The following CNTNAP5 variants were observed in gnomAD, a reference collection of about 807,000 sequenced individuals.
CNTNAP5 encodes contactin associated protein family member 5, also known as contactin-associated protein-like 5.
Under a neutral mutation model 150.2 loss-of-function variants are expected in CNTNAP5, and 72 were observed. That is an observed-to-expected ratio of 0.48 (90% CI 0.40 to 0.58). CNTNAP5 has a LOEUF of 0.58. CNTNAP5 is among the 20% of genes least tolerant of loss of function. The probability of loss-of-function intolerance (pLI) is 0.00; values close to 1 mark genes in which losing one functional copy is unlikely to be tolerated. For synonymous variants in CNTNAP5, 672 were observed against 619.8 expected, an observed-to-expected ratio of 1.08 and a Z score of -1.25; for missense variants, 1,636 against 1,626.2, an observed-to-expected ratio of 1.01 and a Z score of -0.10.
chr2:124,090,680 TA>T lies in CNTNAP5; in HGVS notation c.82+64955del, dbSNP rs1368497859. On this transcript the variant is annotated intron_variant, in intron 1 of 23. Transcript: ENST00000682447. Reference sequence around the variant, plus strand: ...ATTACATAATCACAAATGATAGCTTTAAAAAAAGAAGAAGGAAGTAGGTATT... The same window carrying T: ...ATTACATAATCACAAATGATAGCTTTAAAAAAGAAGAAGGAAGTAGGTATT... Among the ~76,000 whole-genome samples, 3 of 152,150 alleles carry T rather than the reference TA, an allele frequency of 2.0e-5. No individual in the cohort carries two copies. The East Asian group carries it at 5.8e-4, about 29-fold the overall frequency.
Position 124,903,071 on chromosome 2 carries a change from A to T in CNTNAP5, c.3626A>T (p.Asn1209Ile). The T allele has an allele frequency of 3.1e-6, 5 of 1,594,370 alleles. No individual in the cohort carries two copies. The highest frequency in any genetic ancestry group is 3.4e-6 in the Non-Finnish European group (4 of 1,169,304). ...GGCTTCATGGTGGACTCAGATGTGA[A>T]TGCAGTGACCACGGTGCATTCTTCA... ...SCGFMVDSDV[N>I]AVTTVHSSSD... The change falls in exon 22 of 24, where the codon AAT (asparagine) becomes ATT (isoleucine). Residue 1209 changes from asparagine (N) to isoleucine (I), a missense_variant. Asn to Ile is a moderately radical substitution (Grantham distance 149). Coordinates refer to ENST00000682447, the MANE Select transcript of CNTNAP5 (RefSeq NM_001367498.1).
At chr2:124,660,443 C>T (rs955590851) in intron 13 of CNTNAP5, among the ~76,000 whole-genome samples, 1 of 152,094 alleles carries the variant, frequency 6.6e-6, no homozygotes, top group Non-Finnish European at 1.5e-5. Flanking sequence ...GAAAATATAG[C>T]ACAAGCCACA....
chr2:124,191,067 C>G (rs935379243), intron 1 of CNTNAP5, among the ~76,000 whole-genome samples: 1 of 152,188 alleles, frequency 6.6e-6, no homozygotes, highest in South Asian at 2.1e-4. Flanking sequence ...TAAATATATA[C>G]CTATGTTTTC....
intron 9 of CNTNAP5, among the ~76,000 whole-genome samples, 199 bp downstream of exon 9, chr2:124,524,651 A>G (rs755793269): frequency 9.8e-5 from 15 of 152,296 alleles, no homozygotes; most frequent in Non-Finnish European, 1.8e-4. Flanking sequence ...GTGCAAATAT[A>G]AATTATCTAG....
chr2:124,071,584 T>C (rs1682305694), intron 1 of CNTNAP5, among the ~76,000 whole-genome samples: 1 of 151,868 alleles, frequency 6.6e-6, no homozygotes, highest in African/African-American at 2.4e-5. Flanking sequence ...TGAGTGACTA[T>C]ACATCAATAA....
Position 124,474,760 on chromosome 2 carries a change from G to A in CNTNAP5, c.940G>A (p.Val314Ile). Residue 314 changes from valine (V) to isoleucine (I), a missense_variant, in exon 7 of 24, where the codon GTA (valine) becomes ATA (isoleucine). Val to Ile is a conservative substitution (Grantham distance 29). Coordinates refer to ENST00000682447, the MANE Select transcript of CNTNAP5 (RefSeq NM_001367498.1). ...DYELSFGGIP[V>I]PGKPGTFLKK... is the part of the protein sequence containing the mutation. ...AAAGCTTAGTTTTGGAGGAATTCCA[G>A]TACCAGGAAAACCTGGGACCTTTTT... The A allele has an allele frequency of 6.3e-7, 1 of 1,586,068 alleles. No individual in the cohort carries two copies. Among genetic ancestry groups the A allele is most frequent in the Non-Finnish European group, 8.6e-7 (1 of 1,168,782 alleles).
intron 1 of CNTNAP5, among the ~76,000 whole-genome samples, chr2:124,104,954 G>C (rs1241548278): frequency 6.6e-6 from 1 of 151,852 alleles, no homozygotes; most frequent in Non-Finnish European, 1.5e-5. Context: ...AAAGTTTCCT[G>C]ACATCTTGTC....
intron 1 of CNTNAP5, among the ~76,000 whole-genome samples, chr2:124,146,007 T>TA (rs1284341836): frequency 1.3e-5 from 2 of 152,018 alleles, no homozygotes; most frequent in Non-Finnish European, 2.9e-5. Context: ...ATTTTTATTT[T>TA]AAAAAGCATT....
chr2:124,808,789 G>T (rs1682138260), intron 19 of CNTNAP5, among the ~76,000 whole-genome samples: 1 of 152,050 alleles, frequency 6.6e-6, no homozygotes, highest in South Asian at 2.1e-4. Context: ...AGGCTAATAT[G>T]CAAGTTCTTT....
Position 124,771,086 on chromosome 2 carries a change from C to A in CNTNAP5, c.2534-1713C>A, listed in dbSNP as rs533012632. ...CAGATACTCAAAATTCTGTGTAATG[C>A]GGACTTTGATGGAGGCTGCTTTCAG... On this transcript the variant is annotated intron_variant, in intron 16 of 23. Transcript: ENST00000682447. 2.4e-4 allele frequency among the ~76,000 whole-genome samples: 36 copies of A among 152,246 alleles called. 1 individual carries two copies. Among genetic ancestry groups the A allele is most frequent in the African/African-American group, 7.5e-4 (31 of 41,552 alleles).
At chr2:124,477,083 T>C (rs72966690) in intron 7 of CNTNAP5, among the ~76,000 whole-genome samples, 15,498 of 152,094 alleles carry the variant, frequency 0.1, 1,247 homozygotes, top group African/African-American at 0.2. Flanking sequence ...ATAATTCCTA[T>C]AGTCTTTTAG....
At chr2:124,248,272 C>T (rs1204745331) in intron 3 of CNTNAP5, among the ~76,000 whole-genome samples, 1 of 152,156 alleles carries the variant, frequency 6.6e-6, no homozygotes, top group East Asian at 1.9e-4. Context: ...CCCATTGCAT[C>T]CATTCCTCCA....
intron 3 of CNTNAP5, among the ~76,000 whole-genome samples, chr2:124,380,137 TA>T (rs1161178050): frequency 2.0e-5 from 3 of 152,194 alleles, no homozygotes; most frequent in Admixed American, 6.5e-5. Flanking sequence ...TTGAAGACAT[TA>T]TTTCAGATAT....
At chr2:124,334,653 A>C (rs558224293) in intron 3 of CNTNAP5, among the ~76,000 whole-genome samples, 50 of 152,268 alleles carry the variant, frequency 3.3e-4, no homozygotes, top group African/African-American at 1.2e-3. Flanking sequence ...AGACATCCAA[A>C]TGATCTTCTG....
chr2:124,318,592 A>G (rs139890283), intron 3 of CNTNAP5, among the ~76,000 whole-genome samples: 1 of 152,342 alleles, frequency 6.6e-6, no homozygotes, highest in African/African-American at 2.4e-5. Context: ...AACCAAGGGA[A>G]GAGTTTGAAA....
chr2:124,114,748 ATGTT>A (rs963702178), intron 1 of CNTNAP5, among the ~76,000 whole-genome samples: 3 of 151,866 alleles, frequency 2.0e-5, no homozygotes, highest in African/African-American at 4.8e-5. Flanking sequence ...CTGATTGAAT[ATGTT>A]TGTAGATAAC....
chr2:124,808,585 C>T (rs62171355), intron 19 of CNTNAP5, among the ~76,000 whole-genome samples: 1 of 143,542 alleles, frequency 7.0e-6, no homozygotes, highest in Non-Finnish European at 1.5e-5. Flanking sequence ...GAGACTTGGT[C>T]CAAAAAAAAA....
At chr2:124,570,372 G>T (rs1215295715) in intron 11 of CNTNAP5, among the ~76,000 whole-genome samples, 2 of 152,112 alleles carry the variant, frequency 1.3e-5, no homozygotes, top group African/African-American at 4.8e-5. Flanking sequence ...CATGAGCAAA[G>T]GCAAAGTGAC....
At chr2:124,680,936 A>G (rs547668811) in intron 13 of CNTNAP5, 2 of 151,674 alleles carry the variant, frequency 1.3e-5, no homozygotes, top group East Asian at 3.9e-4. Context: ...TTTTATTTGG[A>G]GTTGCACCAA....
Sources: allele counts gnomAD v4.1 joint callset (sites outside exome capture counted in the v4.1 genomes callset), GRCh38; gene constraint gnomAD v4.1.1; transcripts MANE v1.5; gene names NCBI Gene and HGNC (gene_info 2026-07-23, HGNC 2026-07-21).